The following UBXN10 variants were observed in gnomAD, a reference collection of about 807,000 sequenced individuals.
UBXN10 encodes the protein UBX domain protein 10.
A neutral mutation model predicts 6.9 loss-of-function variants in UBXN10; 6 were observed. That is an observed-to-expected ratio of 0.87 (90% CI 0.48 to 1.72). The LOEUF (loss-of-function observed/expected upper bound fraction) is 1.72, where lower values mean the gene tolerates loss of function less well. Among genes scored for constraint, UBXN10 ranks in the 40% most tolerant of loss-of-function variants. UBXN10 has a pLI of 0.01. For synonymous variants in UBXN10, 131 were observed against 135.2 expected (o/e 0.97, Z 0.21); for missense variants, 317 against 348.4 (o/e 0.91, Z 0.72).
In UBXN10 at chr1:20,191,627, A is replaced by G. The variant is rs2018504371; in HGVS notation, c.*223A>G. 1 of 591,088 alleles carries G rather than the reference A, an allele frequency of 1.7e-6. No individual in the cohort carries two copies. The highest frequency in any genetic ancestry group is 3.2e-5 in the East Asian group (1 of 31,248). The allele number at this position is 591,088 out of a possible 1,614,324, so 36.6% of individuals were successfully genotyped here. ...CAGCTGTTCCATTCTCTCCACCACC[A>G]GCGTAACTGGCAAGTTACCAAGGTT... On this transcript the variant is annotated 3_prime_UTR_variant, in exon 2 of 2. Transcript: ENST00000375099. This position sits in a 1 kb window ranked among gnomAD's most constrained non-coding sequence, Gnocchi z 4.5.
At chr1:20,188,183 A>C (rs574387207) in intron 1 of UBXN10, among the ~76,000 whole-genome samples, 1 of 152,356 alleles carries the variant, frequency 6.6e-6, no homozygotes, top group East Asian at 1.9e-4. Context: ...ACAGTTGATC[A>C]GAAAATAGAT....
At position 20,191,062 on chromosome 1, in the gene UBXN10, T is replaced by G. The variant is rs1032553559; in HGVS notation, c.501T>G (p.Ala167=). The G allele has an allele frequency of 1.2e-6, 2 of 1,614,074 alleles. No homozygotes were observed. The highest frequency in any genetic ancestry group is 2.7e-5 in the African/African-American group (2 of 74,992). ...GTGAAGAAGATTCCAGAGCTCGAGCTTGTGCCGTGGAGAGGAAATTCATCG... is the reference window on the plus strand; with the variant it reads ...GTGAAGAAGATTCCAGAGCTCGAGCGTGTGCCGTGGAGAGGAAATTCATCG... ...KTSEEDSRAR[A]CAVERKFIVR... is the part of the protein sequence containing the mutation. The change falls in exon 2 of 2, where the codon GCT becomes GCG. Residue 167 remains alanine, a synonymous_variant. Coordinates refer to ENST00000375099, the MANE Select transcript of UBXN10 (RefSeq NM_152376.5). This position sits in a 1 kb window ranked among gnomAD's most constrained non-coding sequence, Gnocchi z 4.5.
upstream of UBXN10, among the ~76,000 whole-genome samples, chr1:20,185,220 A>C (rs1223526351): frequency 6.6e-6 from 1 of 152,178 alleles, no homozygotes; most frequent in Non-Finnish European, 1.5e-5. Flanking sequence ...CTGAGAGTCT[A>C]ACTGAGGTTA....
rs1211941405 is a variant in UBXN10, at chr1:20,187,101, G to GGAGCCCTGCTT, written c.-16+949_-16+959dup. Among the ~76,000 whole-genome samples, 41 of 152,262 alleles carry GGAGCCCTGCTT rather than the reference G, an allele frequency of 2.7e-4. No individual in the cohort carries two copies. Among genetic ancestry groups the GGAGCCCTGCTT allele is most frequent in the African/African-American group, 8.2e-4 (34 of 41,550 alleles). The stretch of plus-strand genomic sequence containing the variant: ...GGGTGGTGGGCACCCTTAGAAAGCA[G>GGAGCCCTGCTT]GAGCCCTGCTTTAGCTTCTCCTATC... On this transcript the variant is annotated intron_variant, in intron 1 of 1. Coordinates refer to ENST00000375099, the MANE Select transcript of UBXN10 (RefSeq NM_152376.5). The surrounding 1 kb of genome is among the most constrained non-coding windows in gnomAD (Gnocchi z 4.6).
Position 20,190,933 on chromosome 1 carries a change from C to G in UBXN10, c.372C>G (p.Asn124Lys). ...YPVLPSINRK[N>K]LEEEAVETVA... is the part of the protein sequence containing the mutation. ...TCCTTCCTTCCATCAACAGAAAGAA[C>G]CTGGAGGAGGAGGCTGTGGAAACCG... is the stretch of plus-strand genomic sequence containing the variant. The change falls in exon 2 of 2, where the codon AAC becomes AAG. Residue 124 changes from asparagine to lysine, a missense_variant. Physicochemically the swap from Asn to Lys is moderately conservative, Grantham distance 94 (BLOSUM62 0). Coordinates refer to ENST00000375099, the MANE Select transcript of UBXN10 (RefSeq NM_152376.5). 1 of 1,614,148 alleles carries G rather than the reference C, an allele frequency of 6.2e-7. No homozygotes were observed. The highest frequency in any genetic ancestry group is 1.3e-5 in the African/African-American group (1 of 75,018).
In UBXN10 at chr1:20,194,648, C is replaced by T. The variant is rs948267646; in HGVS notation, c.*3244C>T. 6.0e-6 allele frequency: 1 copy of T among 167,056 alleles called. No individual in the cohort carries two copies. Among genetic ancestry groups the T allele is most frequent in the African/African-American group, 2.4e-5 (1 of 41,444 alleles). 10.3% of individuals were successfully genotyped at this position (167,056 alleles called of 1,614,324 possible). A position where few individuals can be genotyped will look rare whatever the true frequency, so the allele number is the denominator to read the frequency against. On this transcript the variant is annotated 3_prime_UTR_variant, in exon 2 of 2. Coordinates refer to ENST00000375099, the MANE Select transcript of UBXN10 (RefSeq NM_152376.5). ...TGCTTTTGTTCATGCTCTTACCTGC[C>T]GTTTTAAATGGGTTTCTAATGTCAA... is the stretch of plus-strand genomic sequence containing the variant.
Position 20,193,323 on chromosome 1 carries a change from C to T in UBXN10, c.*1919C>T, listed in dbSNP as rs556634299. On this transcript the variant is annotated 3_prime_UTR_variant, in exon 2 of 2. Transcript: ENST00000375099. Reference sequence around the variant, plus strand: ...GGAGCAAGCTTGAAGGAGTTAGAATCTTCTGTGCTTAGGGTTTGCTGCTGC... The same window carrying T: ...GGAGCAAGCTTGAAGGAGTTAGAATTTTCTGTGCTTAGGGTTTGCTGCTGC... The T allele has an allele frequency of 6.0e-6, 1 of 167,162 alleles. No homozygotes were observed. The highest frequency in any genetic ancestry group is 2.4e-5 in the African/African-American group (1 of 41,542). 10.4% of individuals were successfully genotyped at this position (167,162 alleles called of 1,614,324 possible).
rs1390556894 is a variant in UBXN10 at position 20,190,876 on chromosome 1, T to A, written c.315T>A (p.Thr105=). The change falls in exon 2 of 2, where the codon ACT becomes ACA. Residue 105 remains threonine, a synonymous_variant. Coordinates refer to ENST00000375099, the MANE Select transcript of UBXN10 (RefSeq NM_152376.5). ...CTGAGCTGCAGCAGCAAGTACCCACTGGGGCTTCCTCTTCTCTCAATAAGT... is the reference window on the plus strand; with the variant it reads ...CTGAGCTGCAGCAGCAAGTACCCACAGGGGCTTCCTCTTCTCTCAATAAGT... ...EIPELQQQVP[T]GASSSLNKYP... is the part of the protein sequence containing the mutation. 2 of 1,613,998 alleles carry A rather than the reference T, an allele frequency of 1.2e-6. No homozygotes were observed. The highest frequency in any genetic ancestry group is 2.7e-5 in the African/African-American group (2 of 74,914).
chr1:20,191,341 G>C lies in UBXN10; in HGVS notation c.780G>C (p.Glu260Asp). Residue 260 changes from glutamate to aspartate, a missense_variant, in exon 2 of 2, where the codon GAG becomes GAC. Transcript: ENST00000375099. This position sits in a 1 kb window ranked among gnomAD's most constrained non-coding sequence, Gnocchi z 4.5. ...RFSDLTKSLQ[E>D]CRIPHKSVLG... ...CTGACCTCACCAAATCTCTGCAAGA[G>C]TGCAGAATCCCCCACAAGTCTGTGC... 1 of 1,614,212 alleles carries C rather than the reference G, an allele frequency of 6.2e-7. No individual in the cohort carries two copies. Among genetic ancestry groups the C allele is most frequent in the South Asian group, 1.1e-5 (1 of 91,086 alleles).
chr1:20,187,611 A>G lies in UBXN10; in HGVS notation c.-16+1458A>G, dbSNP rs1301583038. On this transcript the variant is annotated intron_variant, in intron 1 of 1. Coordinates refer to ENST00000375099, the MANE Select transcript of UBXN10 (RefSeq NM_152376.5). The surrounding 1 kb of genome is among the most constrained non-coding windows in gnomAD (Gnocchi z 4.6). ...AGTGGGTTATGAAAGCAGGTTGGAT[A>G]TAATGGTTTTACCTGAAGGAGGTGT... 6.6e-6 allele frequency among the ~76,000 whole-genome samples: 1 copy of G among 152,194 alleles called. No homozygotes were observed. The highest frequency in any genetic ancestry group is 1.5e-5 in the Non-Finnish European group (1 of 68,024).
intron 1 of UBXN10, 119 bp from the exon 2 acceptor site, chr1:20,190,428 C>A: frequency 7.7e-7 from 1 of 1,291,082 alleles, no homozygotes; most frequent in Non-Finnish European, 1.1e-6. Flanking sequence ...GCAGCTGGTG[C>A]CCCTTACTAG....
intron 1 of UBXN10, among the ~76,000 whole-genome samples, chr1:20,189,987 A>G (rs1422542798): frequency 1.3e-5 from 2 of 152,234 alleles, no homozygotes; most frequent in African/African-American, 4.8e-5. Context: ...GGACCAACAA[A>G]TGATGGCCCA....
upstream of UBXN10, among the ~76,000 whole-genome samples, chr1:20,184,827 G>A (rs920014585): frequency 2.6e-5 from 4 of 152,042 alleles, no homozygotes; most frequent in African/African-American, 7.2e-5. Flanking sequence ...GGGAGGTTTC[G>A]CAAGCAAAAC....
chr1:20,185,099 G>A (rs1465709618), upstream of UBXN10, among the ~76,000 whole-genome samples: 1 of 152,152 alleles, frequency 6.6e-6, no homozygotes, highest in Non-Finnish European at 1.5e-5. Context: ...TTGCACCACT[G>A]CACTCCAGCC....
At chr1:20,190,237 G>A (rs1024469148) in intron 1 of UBXN10, among the ~76,000 whole-genome samples, 4 of 151,702 alleles carry the variant, frequency 2.6e-5, no homozygotes, top group Non-Finnish European at 2.9e-5. Context: ...CCTTAATCAC[G>A]CTCTGGTGCA....
chr1:20,185,058 C>G (rs148120642), upstream of UBXN10, among the ~76,000 whole-genome samples: 2 of 152,230 alleles, frequency 1.3e-5, no homozygotes, highest in African/African-American at 4.8e-5. Flanking sequence ...GGAGGCTGAG[C>G]TGGGGAGGTC....
upstream of UBXN10, among the ~76,000 whole-genome samples, chr1:20,185,802 C>G (rs1230030987): frequency 6.6e-6 from 1 of 152,210 alleles, no homozygotes; most frequent in Non-Finnish European, 1.5e-5. Flanking sequence ...TGCTGCTCCC[C>G]GCTCCTCCAT....
chr1:20,188,030 G>A (rs1413351720), intron 1 of UBXN10, among the ~76,000 whole-genome samples: 4 of 152,200 alleles, frequency 2.6e-5, no homozygotes, highest in Admixed American at 1.3e-4. Context: ...CGAGAGGGGC[G>A]TGGGTTTGCC....
chr1:20,192,337 T>G lies in UBXN10; in HGVS notation c.*933T>G, dbSNP rs983005031. The stretch of plus-strand genomic sequence containing the variant: ...TGCGTTGCCCACTTCAAACATGGTG[T>G]GTCCTTTGGAGCTGTGACAGAGGTG... On this transcript the variant is annotated 3_prime_UTR_variant, in exon 2 of 2. Transcript: ENST00000375099. 1.8e-5 allele frequency: 3 copies of G among 167,130 alleles called. No individual in the cohort carries two copies. The highest frequency in any genetic ancestry group is 7.2e-5 in the African/African-American group (3 of 41,454). The allele number at this position is 167,130 out of a possible 1,614,324, so 10.4% of individuals were successfully genotyped here.
Sources: gnomAD v4.1 joint callset for allele counts (sites outside exome capture counted in the v4.1 genomes callset) on GRCh38, gnomAD v4.1.1 for gene constraint, Gnocchi (gnomAD v3.1) non-coding constraint, MANE v1.5 for transcripts, NCBI Gene and HGNC (gene_info 2026-07-23, HGNC 2026-07-21) for gene names.